Variants in TRRAP observed in about 807,000 individuals in gnomAD.
TRRAP encodes the protein transformation/transcription domain-associated protein.
TRRAP carries 41 observed loss-of-function variants against 438.8 expected under a neutral mutation model. That is an observed-to-expected ratio of 0.09 (90% confidence interval 0.07 to 0.12). The LOEUF is 0.12. Ranked by LOEUF, TRRAP falls within the 10% of genes least tolerant of loss-of-function variation. The probability of loss-of-function intolerance (pLI) is 1.00; values close to 1 mark genes in which losing one functional copy is unlikely to be tolerated. For synonymous variants in TRRAP, 1,994 were observed against 1,962.9 expected, an observed-to-expected ratio of 1.02 and a Z score of -0.42; for missense variants, 3,122 against 5,055.1, an observed-to-expected ratio of 0.62 and a Z score of 11.60.
At chr7:98,964,988 C>G (rs115239600) in intron 48 of TRRAP, among the ~76,000 whole-genome samples, 1 of 152,228 alleles carries the variant, frequency 6.6e-6, no homozygotes, top group Non-Finnish European at 1.5e-5. Context: ...TACGGTGGCA[C>G]GCCTGTGGTC....
At chr7:98,912,284 G>C in intron 18 of TRRAP, 71 bp downstream of exon 18, 2 of 1,524,618 alleles carry the variant, frequency 1.3e-6, no homozygotes, top group Non-Finnish European at 1.8e-6. Context: ...AGGGCCTCAC[G>C]GTGGTGTCCA....
intron 12 of TRRAP, among the ~76,000 whole-genome samples, chr7:98,905,125 A>T (rs1554407322): frequency 6.6e-6 from 1 of 152,104 alleles, no homozygotes; most frequent in Non-Finnish European, 1.5e-5. Flanking sequence ...CTCCCCAGCC[A>T]GTTCTCCATG....
chr7:98,888,588 T>G (rs1554404313), intron 3 of TRRAP, among the ~76,000 whole-genome samples: 2 of 152,248 alleles, frequency 1.3e-5, no homozygotes, highest in African/African-American at 4.8e-5. Context: ...TTCTCCATCA[T>G]GCTGAACTCT....
intron 10 of TRRAP, among the ~76,000 whole-genome samples, chr7:98,900,268 A>G (rs2116348474): frequency 6.6e-6 from 1 of 152,190 alleles, no homozygotes; most frequent in Admixed American, 6.5e-5. Flanking sequence ...ATTTGAGGGC[A>G]GCATCTGAGG....
chr7:98,950,351 C>A, intron 38 of TRRAP, 89 bp downstream of exon 38: 1 of 1,458,520 alleles, frequency 6.9e-7, no homozygotes, highest in South Asian at 1.3e-5. Context: ...TTTGCTGTGT[C>A]ACTCTTGAAT....
At chr7:98,920,442 C>T (rs1016194095) in intron 20 of TRRAP, among the ~76,000 whole-genome samples, 2 of 151,554 alleles carry the variant, frequency 1.3e-5, no homozygotes, top group Non-Finnish European at 2.9e-5. Flanking sequence ...TGCACTCCAG[C>T]CTGGTTGACA....
At chr7:98,914,241 T>A (rs538709031) in intron 18 of TRRAP, among the ~76,000 whole-genome samples, 117 of 151,498 alleles carry the variant, frequency 7.7e-4, no homozygotes, top group African/African-American at 2.7e-3. Context: ...CAAAATAATT[T>A]AAAAAAAAAT....
intron 20 of TRRAP, among the ~76,000 whole-genome samples, chr7:98,919,681 G>A (rs1461541402): frequency 6.6e-6 from 1 of 152,248 alleles, no homozygotes; most frequent in African/African-American, 2.4e-5. Flanking sequence ...ATGAGAGCCT[G>A]CCTTTAGAAC....
At chr7:98,886,056 G>A (rs1271580325) in intron 3 of TRRAP, among the ~76,000 whole-genome samples, 3 of 152,140 alleles carry the variant, frequency 2.0e-5, no homozygotes, top group South Asian at 2.1e-4. Flanking sequence ...AGGCCGAGGC[G>A]GGTGGATCAC....
chr7:98,979,027 G>A (rs756879020), intron 58 of TRRAP, 123 bp downstream of exon 58: 47 of 1,272,376 alleles, frequency 3.7e-5, no homozygotes, highest in Non-Finnish European at 5.0e-5. Context: ...TTTTGGGAAG[G>A]AAAGGTTCCT....
Position 98,956,503 on chromosome 7 carries a change from C to G in TRRAP, c.6201C>G (p.Arg2067=). 6.2e-7 allele frequency: 1 copy of G among 1,614,180 alleles called. No homozygotes were observed. The highest frequency in any genetic ancestry group is 1.1e-5 in the South Asian group (1 of 91,078). ...LSVDSAQEVK[R]FRTATGAISA... is the part of the protein sequence containing the mutation. ...TGGATTCTGCCCAGGAAGTGAAACGCTTTAGGACGGCCACCGGAGCCATCA... is the reference window on the plus strand; with the variant it reads ...TGGATTCTGCCCAGGAAGTGAAACGGTTTAGGACGGCCACCGGAGCCATCA... The change falls in exon 43 of 73, where the codon CGC becomes CGG. Residue 2067 remains arginine, a synonymous_variant. Transcript: ENST00000456197. This position sits in a 1 kb window ranked among gnomAD's most constrained non-coding sequence, Gnocchi z 4.5.
intron 67 of TRRAP, chr7:98,999,250 G>T: frequency 8.5e-7 from 1 of 1,180,640 alleles, no homozygotes; most frequent in Non-Finnish European, 1.3e-6. Flanking sequence ...TCACTGCCCA[G>T]CTTCTCGCAG....
Position 98,956,389 on chromosome 7 carries a change from T to A in TRRAP, c.6097-10T>A. ...CAGTCAGTAAAACCAAGCGCCTGTG[T>A]GTTTTTAAGCCGGATTCAGATATGG... On this transcript the variant is annotated splice_polypyrimidine_tract_variant and intron_variant, in intron 42 of 72. Coordinates refer to ENST00000456197, the MANE Select transcript of TRRAP (RefSeq NM_001375524.1). This position sits in a 1 kb window ranked among gnomAD's most constrained non-coding sequence, Gnocchi z 4.5. 1 of 1,613,748 alleles carries A rather than the reference T, an allele frequency of 6.2e-7. No individual in the cohort carries two copies. The highest frequency in any genetic ancestry group is 8.5e-7 in the Non-Finnish European group (1 of 1,179,878).
chr7:98,910,825 G>A (rs373748308), intron 16 of TRRAP, among the ~76,000 whole-genome samples: 1 of 151,788 alleles, frequency 6.6e-6, no homozygotes, highest in Non-Finnish European at 1.5e-5. Context: ...TAGTGTAAAC[G>A]GAATGCAATA....
At chr7:98,897,151 C>T (rs1468083496) in intron 7 of TRRAP, among the ~76,000 whole-genome samples, 2 of 152,182 alleles carry the variant, frequency 1.3e-5, no homozygotes, top group African/African-American at 2.4e-5. Context: ...GGGAGAATCA[C>T]TTGAACCCGG....
chr7:98,890,581 G>A (rs189146007), intron 4 of TRRAP, 136 bp downstream of exon 4: 19 of 592,774 alleles, frequency 3.2e-5, no homozygotes, highest in African/African-American at 1.9e-4. Flanking sequence ...GTTCAAGACC[G>A]CTGCCTCCTC....
At chr7:98,917,094 T>C (rs1163195047) in intron 19 of TRRAP, among the ~76,000 whole-genome samples, 1 of 152,216 alleles carries the variant, frequency 6.6e-6, no homozygotes, top group African/African-American at 2.4e-5. Flanking sequence ...AAAAACTGTT[T>C]AGAGAATAGA....
intron 67 of TRRAP, 105 bp from the exon 68 acceptor site, chr7:99,004,085 A>G (rs1794059634): frequency 1.7e-6 from 2 of 1,154,292 alleles, no homozygotes; most frequent in Non-Finnish European, 2.5e-6. Context: ...AAACAAACAA[A>G]CAAAACATGT....
At chr7:98,988,013 T>C (rs1793226991) in intron 62 of TRRAP, among the ~76,000 whole-genome samples, 2 of 152,236 alleles carry the variant, frequency 1.3e-5, no homozygotes, top group South Asian at 4.1e-4. Flanking sequence ...TTGTTTTCTG[T>C]GTTGAACCAC....
Sources: allele counts gnomAD v4.1 joint callset (sites outside exome capture counted in the v4.1 genomes callset), GRCh38; gene constraint gnomAD v4.1.1; non-coding constraint Gnocchi (gnomAD v3.1); transcripts MANE v1.5; gene names NCBI Gene and HGNC (gene_info 2026-07-23, HGNC 2026-07-21).